The following PRELID2 variants were observed in gnomAD, a reference collection of about 807,000 sequenced individuals.
PRELID2 encodes the protein PRELI domain containing 2, also known as PRELI domain-containing protein 2.
In PRELID2, 25 loss-of-function variants were observed where a neutral mutation model predicts 28.4. That is an observed-to-expected ratio of 0.88 (90% confidence interval 0.64 to 1.23). The LOEUF is 1.23. Among genes scored for constraint, PRELID2 ranks in the 50% most tolerant of loss-of-function variants. The probability of loss-of-function intolerance (pLI) is 0.00; values close to 1 mark genes in which losing one functional copy is unlikely to be tolerated. For missense variants in PRELID2, 201 were observed against 214.4 expected (o/e 0.94, Z 0.39); for synonymous variants, 76 against 71.6 (o/e 1.06, Z -0.31).
the PRELID2 span, among the ~76,000 whole-genome samples, chr5:145,464,832 C>T: frequency 6.6e-6 from 1 of 152,206 alleles, no homozygotes; most frequent in South Asian, 2.1e-4. Context: ...GGTATGGTTT[C>T]CTATCTGATA....
At chr5:145,662,141 T>G (rs1349950883) in intron 1 of PRELID2, among the ~76,000 whole-genome samples, 1 of 152,056 alleles carries the variant, frequency 6.6e-6, no homozygotes, top group Non-Finnish European at 1.5e-5. Context: ...CTGCTGCTTT[T>G]CACCCTAACA....
chr5:145,781,196 G>A (rs1398884170), intron 5 of PRELID2, among the ~76,000 whole-genome samples: 1 of 152,108 alleles, frequency 6.6e-6, no homozygotes, highest in Non-Finnish European at 1.5e-5. Flanking sequence ...AATAGACAAA[G>A]GGAGGAAGAA....
intron 1 of PRELID2, among the ~76,000 whole-genome samples, chr5:145,674,724 G>A (rs570183947): frequency 6.6e-6 from 1 of 152,028 alleles, no homozygotes; most frequent in Non-Finnish European, 1.5e-5. Context: ...CAGGCAGATC[G>A]CTTGAGGCTA....
chr5:145,741,227 T>TA (rs1756716129), intron 1 of PRELID2, among the ~76,000 whole-genome samples: 1 of 68,000 alleles, frequency 1.5e-5, no homozygotes, highest in Non-Finnish European at 2.7e-5. Context: ...AATATATATA[T>TA]AATATATAAT....
At chr5:145,291,262 G>A in the PRELID2 span, among the ~76,000 whole-genome samples, 5 of 150,096 alleles carry the variant, frequency 3.3e-5, no homozygotes, top group Admixed American at 6.6e-5. Context: ...GCTTGAACCC[G>A]GGAGGCGGAG....
At chr5:145,407,483 C>T in the PRELID2 span, among the ~76,000 whole-genome samples, 2 of 152,112 alleles carry the variant, frequency 1.3e-5, no homozygotes, top group African/African-American at 2.4e-5. Flanking sequence ...TGAGCTCAGA[C>T]ATGCCTAACC....
At chr5:145,339,916 A>C in the PRELID2 span, among the ~76,000 whole-genome samples, 10 of 152,246 alleles carry the variant, frequency 6.6e-5, 1 homozygote, top group South Asian at 2.1e-3. Flanking sequence ...ACTCCCACAC[A>C]TGCAAGGACA....
chr5:145,596,527 G>A (rs1442729113), intron 1 of PRELID2, among the ~76,000 whole-genome samples: 2 of 152,010 alleles, frequency 1.3e-5, no homozygotes, highest in Non-Finnish European at 2.9e-5. Context: ...CCAGGTTCTT[G>A]TTGTTGTTCC....
intron 1 of PRELID2, among the ~76,000 whole-genome samples, chr5:145,628,572 T>C (rs1401857520): frequency 6.6e-6 from 1 of 152,068 alleles, no homozygotes; most frequent in Non-Finnish European, 1.5e-5. Flanking sequence ...GATCCACCCA[T>C]CTCAGCCTCT....
chr5:145,469,337 C>A (rs997719976), downstream of PRELID2, among the ~76,000 whole-genome samples: 3 of 152,020 alleles, frequency 2.0e-5, no homozygotes, highest in Admixed American at 6.6e-5. Flanking sequence ...TTTGCAGGTG[C>A]AACAATTTGA....
At chr5:145,527,040 T>C (rs1464147516) in intron 1 of PRELID2, among the ~76,000 whole-genome samples, 1 of 152,204 alleles carries the variant, frequency 6.6e-6, no homozygotes, top group Non-Finnish European at 1.5e-5. Context: ...ATGAGAGAAT[T>C]AGATTAGATT....
chr5:145,784,798 T>A (rs1253408955), intron 5 of PRELID2, among the ~76,000 whole-genome samples: 1 of 151,588 alleles, frequency 6.6e-6, no homozygotes, highest in African/African-American at 2.4e-5. Flanking sequence ...TTTTTTTTTT[T>A]TTAAAAAAAC....
intron 1 of PRELID2, among the ~76,000 whole-genome samples, chr5:145,703,136 G>A (rs758484090): frequency 4.0e-4 from 61 of 152,294 alleles, no homozygotes; most frequent in South Asian, 1.2e-3. Flanking sequence ...GTCTTTGGAA[G>A]AAGCCAGACA....
At chr5:145,434,705 C>T in the PRELID2 span, among the ~76,000 whole-genome samples, 1 of 152,164 alleles carries the variant, frequency 6.6e-6, no homozygotes, top group Non-Finnish European at 1.5e-5. Context: ...CCTGGCATCT[C>T]TATCTTAGGG....
chr5:145,614,177 T>C (rs910138300), intron 1 of PRELID2, among the ~76,000 whole-genome samples: 1 of 152,252 alleles, frequency 6.6e-6, no homozygotes, highest in Non-Finnish European at 1.5e-5. Flanking sequence ...CACTGGTCTT[T>C]GTGCCTGTTT....
chr5:145,585,792 T>C (rs1580985289), intron 1 of PRELID2, among the ~76,000 whole-genome samples: 1 of 152,066 alleles, frequency 6.6e-6, no homozygotes, highest in Non-Finnish European at 1.5e-5. Flanking sequence ...TATACTTTCT[T>C]CAGTGGGACA....
chr5:145,446,622 T>C, the PRELID2 span, among the ~76,000 whole-genome samples: 1 of 152,144 alleles, frequency 6.6e-6, no homozygotes, highest in African/African-American at 2.4e-5. Context: ...TGCCAATCGA[T>C]CGGACATAGA....
At chr5:145,514,053 A>G (rs1752489704) in intron 1 of PRELID2, among the ~76,000 whole-genome samples, 1 of 152,198 alleles carries the variant, frequency 6.6e-6, no homozygotes, top group Non-Finnish European at 1.5e-5. Flanking sequence ...ACCAAATTGT[A>G]AAGACCATCG....
chr5:145,303,899 C>T, the PRELID2 span, among the ~76,000 whole-genome samples: 1 of 152,206 alleles, frequency 6.6e-6, no homozygotes, highest in South Asian at 2.1e-4. Flanking sequence ...TTCCCTAGCA[C>T]TTATGATGCC....
Sources: allele counts gnomAD v4.1 joint callset (sites outside exome capture counted in the v4.1 genomes callset), GRCh38; gene constraint gnomAD v4.1.1; transcripts MANE v1.5; gene names NCBI Gene and HGNC (gene_info 2026-07-23, HGNC 2026-07-21).